DCC: variants seen among roughly 807,000 people sequenced by gnomAD.
DCC encodes netrin receptor DCC.
In DCC, 58 loss-of-function variants were observed where a neutral mutation model predicts 172.5. The observed-to-expected ratio is 0.34, with a 90% CI of 0.27 to 0.42. The LOEUF (loss-of-function observed/expected upper bound fraction) is 0.42. Ranked by LOEUF, DCC falls within the 10% of genes least tolerant of loss-of-function variation. DCC has a pLI of 1.00. For missense variants in DCC, 1,740 were observed against 1,791.0 expected (o/e 0.97, Z 0.51); for synonymous variants, 709 against 644.5 (o/e 1.10, Z -1.52).
intron 2 of DCC, among the ~76,000 whole-genome samples, chr18:52,856,962 A>G (rs1055922535): frequency 1.2e-4 from 18 of 152,196 alleles, no homozygotes; most frequent in South Asian, 2.1e-4. Flanking sequence ...TCTCTAGGCT[A>G]TGAGTGTGGG....
intron 2 of DCC, among the ~76,000 whole-genome samples, chr18:52,758,407 T>G (rs1379649501): frequency 6.6e-6 from 1 of 152,206 alleles, no homozygotes; most frequent in Non-Finnish European, 1.5e-5. Flanking sequence ...ACATATTTTT[T>G]TCTTCCCTAT....
intron 2 of DCC, among the ~76,000 whole-genome samples, chr18:52,792,986 T>G (rs757101555): frequency 3.9e-5 from 6 of 152,154 alleles, no homozygotes; most frequent in Admixed American, 1.3e-4. Context: ...GTGGGTGGGT[T>G]AGGGAGTGGA....
chr18:53,177,870 TGTA>T (rs1280522420), intron 8 of DCC, among the ~76,000 whole-genome samples: 4 of 152,106 alleles, frequency 2.6e-5, no homozygotes, highest in Middle Eastern at 3.2e-3. Flanking sequence ...ATATTAAGAG[TGTA>T]GATATGCCCA....
At chr18:52,497,034 C>T (rs1337093479) in intron 1 of DCC, among the ~76,000 whole-genome samples, 1 of 151,234 alleles carries the variant, frequency 6.6e-6, no homozygotes, top group African/African-American at 2.4e-5. Flanking sequence ...CAGGAGGGTC[C>T]CTCAAGCCCA....
intron 2 of DCC, among the ~76,000 whole-genome samples, chr18:52,799,806 TA>T (rs2037949278): frequency 6.6e-6 from 1 of 152,232 alleles, no homozygotes; most frequent in South Asian, 2.1e-4. Flanking sequence ...TATCTGTTAA[TA>T]ACTAGCAATA....
At chr18:52,414,826 C>T (rs1369020784) in intron 1 of DCC, among the ~76,000 whole-genome samples, 1 of 152,178 alleles carries the variant, frequency 6.6e-6, no homozygotes, top group Non-Finnish European at 1.5e-5. Flanking sequence ...TAGTTAATTG[C>T]TCCTGACATT....
intron 1 of DCC, among the ~76,000 whole-genome samples, chr18:52,400,825 T>TA (rs765116058): frequency 1.3e-5 from 2 of 151,886 alleles, no homozygotes; most frequent in Non-Finnish European, 2.9e-5. Context: ...CCATCATTCT[T>TA]AGTCAACTAA....
chr18:52,744,679 TTCTC>T (rs1019819158), intron 1 of DCC, among the ~76,000 whole-genome samples: 20 of 152,164 alleles, frequency 1.3e-4, no homozygotes, highest in African/African-American at 4.6e-4. Flanking sequence ...AGTGCACACT[TTCTC>T]TCTCTGGTCT....
chr18:53,522,183 G>C (rs1261514666), intron 27 of DCC, among the ~76,000 whole-genome samples: 1 of 151,886 alleles, frequency 6.6e-6, no homozygotes, highest in African/African-American at 2.4e-5. Flanking sequence ...TCACATGCTG[G>C]GTTATCTGTA....
chr18:52,958,734 A>G (rs893876954), intron 5 of DCC, among the ~76,000 whole-genome samples: 11 of 152,134 alleles, frequency 7.2e-5, no homozygotes, highest in Non-Finnish European at 1.6e-4. Context: ...TGAGGAGGTG[A>G]TATACTCAGC....
chr18:52,581,287 G>A (rs1484735419), intron 1 of DCC, among the ~76,000 whole-genome samples: 2 of 136,480 alleles, frequency 1.5e-5, no homozygotes, highest in African/African-American at 2.7e-5. Context: ...CTTCATAAAG[G>A]CTTGTTGTAT....
intron 1 of DCC, among the ~76,000 whole-genome samples, chr18:52,617,957 C>G (rs972958639): frequency 6.6e-6 from 1 of 152,094 alleles, no homozygotes; most frequent in African/African-American, 2.4e-5. Context: ...AAAGGTATGA[C>G]AGAAACCTAA....
At chr18:53,489,409 A>G (rs2045936804) in intron 26 of DCC, among the ~76,000 whole-genome samples, 3 of 152,148 alleles carry the variant, frequency 2.0e-5, no homozygotes. Flanking sequence ...CACTGTCAGA[A>G]ACAATTAACT....
intron 5 of DCC, among the ~76,000 whole-genome samples, chr18:52,986,782 T>TA (rs1291868083): frequency 6.7e-6 from 1 of 148,200 alleles, no homozygotes; most frequent in Non-Finnish European, 1.5e-5. Flanking sequence ...CACATACATA[T>TA]GCATATATAT....
In DCC at chr18:53,534,964, A is replaced by C. The variant is rs2046558637; in HGVS notation, c.*4311A>C. 6.6e-6 allele frequency: 1 copy of C among 152,210 alleles called. No individual in the cohort carries two copies. The highest frequency in any genetic ancestry group is 1.5e-5 in the Non-Finnish European group (1 of 68,046). The allele number at this position is 152,210 out of a possible 1,614,324, so 9.4% of individuals were successfully genotyped here. A position where few individuals can be genotyped will look rare whatever the true frequency, so the allele number is the denominator to read the frequency against. On this transcript the variant is annotated 3_prime_UTR_variant, in exon 29 of 29. Coordinates refer to ENST00000442544, the MANE Select transcript of DCC (RefSeq NM_005215.4). ...GTCATCCTATGATTGTTGTTGGTAG[A>C]AGAGCAAGAGCAAAACTCTGCAAGA...
chr18:53,063,932 A>G (rs1165147640), intron 6 of DCC, among the ~76,000 whole-genome samples: 1 of 152,154 alleles, frequency 6.6e-6, no homozygotes, highest in Non-Finnish European at 1.5e-5. Context: ...CTGTAGGACC[A>G]GCTTATCCTA....
At chr18:53,421,243 T>A (rs1486428273) in intron 21 of DCC, among the ~76,000 whole-genome samples, 1 of 152,208 alleles carries the variant, frequency 6.6e-6, no homozygotes, top group East Asian at 1.9e-4. Context: ...ATTCTTAGCA[T>A]GAGCAGAAAT....
intron 1 of DCC, among the ~76,000 whole-genome samples, chr18:52,514,574 G>T (rs934980070): frequency 6.6e-6 from 1 of 152,224 alleles, no homozygotes; most frequent in African/African-American, 2.4e-5. Flanking sequence ...TTATTTGTAT[G>T]CATGAGACTG....
intron 1 of DCC, among the ~76,000 whole-genome samples, chr18:52,413,795 TGAGA>T (rs72438868): frequency 0.035 from 5,264 of 152,216 alleles, 160 homozygotes; most frequent in African/African-American, 0.078. Flanking sequence ...GATGAGACTC[TGAGA>T]GAAATGTTTG....
Sources: gnomAD v4.1 joint callset for allele counts (sites outside exome capture counted in the v4.1 genomes callset) on GRCh38, gnomAD v4.1.1 for gene constraint, MANE v1.5 for transcripts, NCBI Gene and HGNC (gene_info 2026-07-23, HGNC 2026-07-21) for gene names.